Variants in ZDHHC18 observed in about 807,000 individuals in gnomAD.
ZDHHC18 encodes zDHHC palmitoyltransferase 18, also known as palmitoyltransferase ZDHHC18.
ZDHHC18 carries 23 observed loss-of-function variants against 37.5 expected under a neutral mutation model. The observed-to-expected ratio is 0.61, with a 90% CI of 0.44 to 0.87. The LOEUF (loss-of-function observed/expected upper bound fraction) is 0.87, where lower values mean the gene tolerates loss of function less well. Ranked by LOEUF, ZDHHC18 falls within the 40% of genes least tolerant of loss-of-function variation. The pLI is 0.00. For synonymous variants in ZDHHC18, 185 were observed against 218.7 expected, an observed-to-expected ratio of 0.85 and a Z score of 1.36; for missense variants, 406 against 525.6, an observed-to-expected ratio of 0.77 and a Z score of 2.22.
rs2124270567 is a variant in ZDHHC18 at position 26,853,939 on chromosome 1, A to G, written c.*96A>G. 1.8e-6 allele frequency: 2 copies of G among 1,088,964 alleles called. No individual in the cohort carries two copies. Among genetic ancestry groups the G allele is most frequent in the Non-Finnish European group, 2.7e-6 (2 of 728,566 alleles). The allele number at this position is 1,088,964 out of a possible 1,614,324, so 67.5% of individuals were successfully genotyped here. A position where few individuals can be genotyped will look rare whatever the true frequency, so the allele number is the denominator to read the frequency against. ...TCCATCCAAGGGAAGCAGAACTGCC[A>G]AAGACTCAAGTCTTTTCATATTTAT... On this transcript the variant is annotated 3_prime_UTR_variant, in exon 8 of 8. Transcript: ENST00000374142.
rs1475556075 is a variant in ZDHHC18, at chr1:26,855,472, A to T, written c.*1629A>T. 3 of 152,666 alleles carry T rather than the reference A, an allele frequency of 2.0e-5. No individual in the cohort carries two copies. Among genetic ancestry groups the T allele is most frequent in the African/African-American group, 7.2e-5 (3 of 41,442 alleles). 9.5% of individuals were successfully genotyped at this position (152,666 alleles called of 1,614,324 possible). A position where few individuals can be genotyped will look rare whatever the true frequency, so the allele number is the denominator to read the frequency against. On this transcript the variant is annotated 3_prime_UTR_variant, in exon 8 of 8. Coordinates refer to ENST00000374142, the MANE Select transcript of ZDHHC18 (RefSeq NM_032283.3). ...TGGGCTGAAGCCCTTGGAAAGTGAC[A>T]TAGGAAGTCCCCAGATCTTGCCCTT... is the stretch of plus-strand genomic sequence containing the variant.
At chr1:26,834,864 G>A (rs879697736) in intron 2 of ZDHHC18, among the ~76,000 whole-genome samples, 2 of 152,230 alleles carry the variant, frequency 1.3e-5, no homozygotes, top group Non-Finnish European at 2.9e-5. Flanking sequence ...AGTGAAGGCA[G>A]GTGGGGGCCA....
intron 6 of ZDHHC18, among the ~76,000 whole-genome samples, chr1:26,851,641 A>C (rs1463550756): frequency 6.6e-6 from 1 of 152,250 alleles, no homozygotes; most frequent in Non-Finnish European, 1.5e-5. Flanking sequence ...ACTGAGAGAC[A>C]TGTCCCATGT....
rs201982046 is a variant in ZDHHC18 at position 26,848,789 on chromosome 1, G to T, written c.646+32G>T. On this transcript the variant is annotated intron_variant, in intron 3 of 7. Transcript: ENST00000374142. ...AGGAGGCAGCAGGGAGGGATGCAGG[G>T]ATTCCTGAGAGAGACTGAGTCGTGG... 1,218 of 1,597,270 alleles carry T rather than the reference G, an allele frequency of 7.6e-4. 13 individuals carry two copies. In the South Asian group the frequency reaches 9.2e-3, roughly 12 times the overall value.
At position 26,826,735 on chromosome 1, in the gene ZDHHC18, C is replaced by G; in HGVS notation, c.-70C>G. The G allele has an allele frequency of 2.5e-6, 2 of 805,828 alleles. No individual in the cohort carries two copies. The highest frequency in any genetic ancestry group is 3.0e-6 in the Non-Finnish European group (2 of 668,284). The allele number at this position is 805,828 out of a possible 1,614,324, so 49.9% of individuals were successfully genotyped here. ...GCGCGCGCCGCCGCTGCCACCTCCGCTGCTCGGCCCGGTCCCGGAGTGGCC... is the reference window on the plus strand; with the variant it reads ...GCGCGCGCCGCCGCTGCCACCTCCGGTGCTCGGCCCGGTCCCGGAGTGGCC... On this transcript the variant is annotated 5_prime_UTR_variant, in exon 1 of 8. Coordinates refer to ENST00000374142, the MANE Select transcript of ZDHHC18 (RefSeq NM_032283.3). This position sits in a 1 kb window ranked among gnomAD's most constrained non-coding sequence, Gnocchi z 5.2.
In ZDHHC18 at chr1:26,852,795, G is replaced by A; in HGVS notation, c.979G>A (p.Val327Ile). ...CAGCAAGAGGGGCGGTGAGGCCTCT[G>A]TCAACCCCTACAGCCATAAAAGTAT... ...WSSKRGGEAS[V>I]NPYSHKSIIT... Residue 327 changes from valine to isoleucine, a missense_variant, in exon 7 of 8, where the codon GTC becomes ATC. Physicochemically the swap from Val to Ile is conservative, Grantham distance 29 (BLOSUM62 3). Coordinates refer to ENST00000374142, the MANE Select transcript of ZDHHC18 (RefSeq NM_032283.3). The A allele has an allele frequency of 6.2e-7, 1 of 1,614,090 alleles. No homozygotes were observed. The highest frequency in any genetic ancestry group is 2.2e-5 in the East Asian group (1 of 44,876).
chr1:26,832,449 G>A lies in ZDHHC18; in HGVS notation c.338G>A (p.Cys113Tyr). The change falls in exon 2 of 8, where the codon TGT becomes TAT. Residue 113 changes from cysteine to tyrosine, a missense_variant and splice_region_variant. Transcript: ENST00000374142. ...TTTGLFFVFD[C>Y]PYLARKLTLA... Reference sequence around the variant, plus strand: ...TCTCTCTCCATCTCTCGTTCTAGCTGTCCCTACCTGGCTCGCAAGCTGACC... The same window carrying A: ...TCTCTCTCCATCTCTCGTTCTAGCTATCCCTACCTGGCTCGCAAGCTGACC... 1 of 1,614,090 alleles carries A rather than the reference G, an allele frequency of 6.2e-7. No homozygotes were observed. Among genetic ancestry groups the A allele is most frequent in the Non-Finnish European group, 8.5e-7 (1 of 1,179,994 alleles).
intron 2 of ZDHHC18, among the ~76,000 whole-genome samples, chr1:26,847,565 C>G (rs554920872): frequency 2.6e-5 from 4 of 152,240 alleles, no homozygotes; most frequent in African/African-American, 9.6e-5. Context: ...CTCCAAATGT[C>G]TTTTGTTGCT....
Position 26,856,114 on chromosome 1 carries a change from C to A in ZDHHC18, c.*2271C>A. ...GAGCCGGAGCTTCCCTGGCTACCAC[C>A]TCCAACCTGGGCACCAGGGCCCAGC... On this transcript the variant is annotated 3_prime_UTR_variant, in exon 8 of 8. Transcript: ENST00000374142. The surrounding 1 kb of genome is among the most constrained non-coding windows in gnomAD (Gnocchi z 5.2). The A allele has an allele frequency of 2.4e-6, 1 of 423,546 alleles. No homozygotes were observed. Among genetic ancestry groups the A allele is most frequent in the Non-Finnish European group, 5.0e-6 (1 of 200,288 alleles). 26.2% of individuals were successfully genotyped at this position (423,546 alleles called of 1,614,324 possible). A position where few individuals can be genotyped will look rare whatever the true frequency, so the allele number is the denominator to read the frequency against.
chr1:26,832,772 A>G (rs1052849114), intron 2 of ZDHHC18, among the ~76,000 whole-genome samples, 165 bp downstream of exon 2: 1 of 152,242 alleles, frequency 6.6e-6, no homozygotes, highest in African/African-American at 2.4e-5. Flanking sequence ...CAGATGATCA[A>G]CAAGTGAGCA....
In ZDHHC18 at chr1:26,853,738, G is replaced by A. The variant is rs1195434062; in HGVS notation, c.1062G>A (p.Arg354=). 12 of 1,613,954 alleles carry A rather than the reference G, an allele frequency of 7.4e-6. No homozygotes were observed. The highest frequency in any genetic ancestry group is 9.3e-6 in the Non-Finnish European group (11 of 1,180,020). The change falls in exon 8 of 8, where the codon CGG becomes CGA. Residue 354 remains arginine, a synonymous_variant. Coordinates refer to ENST00000374142, the MANE Select transcript of ZDHHC18 (RefSeq NM_032283.3). ...CGPLPPSLID[R]RGFVQSDTVL... The stretch of plus-strand genomic sequence containing the variant: ...TGTGTTTTGGAAGCCTAATTGACCG[G>A]AGGGGATTTGTGCAGTCCGACACCG...
intron 2 of ZDHHC18, among the ~76,000 whole-genome samples, chr1:26,835,694 C>T (rs1019882041): frequency 2.0e-5 from 3 of 151,996 alleles, no homozygotes; most frequent in Non-Finnish European, 2.9e-5. Flanking sequence ...AGCAAGACTC[C>T]GTCTCAAAAA....
chr1:26,842,652 T>G (rs1028459396), intron 2 of ZDHHC18, among the ~76,000 whole-genome samples: 1 of 152,242 alleles, frequency 6.6e-6, no homozygotes, highest in African/African-American at 2.4e-5. Context: ...CCCTTCTTCA[T>G]GCTGCCCATT....
At chr1:26,843,331 G>T (rs920016819) in intron 2 of ZDHHC18, among the ~76,000 whole-genome samples, 30 of 150,642 alleles carry the variant, frequency 2.0e-4, no homozygotes, top group African/African-American at 7.3e-4. Context: ...TTAGTAGAGA[G>T]GGTTTCACCA....
intron 1 of ZDHHC18, among the ~76,000 whole-genome samples, chr1:26,827,946 C>T (rs1379587376): frequency 6.6e-6 from 1 of 152,140 alleles, no homozygotes; most frequent in African/African-American, 2.4e-5. Flanking sequence ...TCTGGAACGT[C>T]CCTCTGGCCT....
intron 2 of ZDHHC18, among the ~76,000 whole-genome samples, chr1:26,839,129 G>A (rs1219028422): frequency 6.6e-6 from 1 of 152,248 alleles, no homozygotes; most frequent in Non-Finnish European, 1.5e-5. Flanking sequence ...CTGTCTTAGG[G>A]TGGGGAAATT....
In ZDHHC18 at chr1:26,826,842, CCGCCCCGCTGCCCGCCTCCCCGGGGG is replaced by C; in HGVS notation, c.42_67del (p.Leu16SerfsTer88). 13 of 980,534 alleles carry C rather than the reference CCGCCCCGCTGCCCGCCTCCCCGGGGG, an allele frequency of 1.3e-5. No homozygotes were observed. Among genetic ancestry groups the C allele is most frequent in the Non-Finnish European group, 1.6e-5 (13 of 828,004 alleles). The allele number at this position is 980,534 out of a possible 1,614,324, so 60.7% of individuals were successfully genotyped here. A position where few individuals can be genotyped will look rare whatever the true frequency, so the allele number is the denominator to read the frequency against. On this transcript the variant is annotated frameshift_variant, in exon 1 of 8. Coordinates refer to ENST00000374142, the MANE Select transcript of ZDHHC18 (RefSeq NM_032283.3). LOFTEE classifies it high-confidence loss of function. This position sits in a 1 kb window ranked among gnomAD's most constrained non-coding sequence, Gnocchi z 5.2. ...GAGTACCAGCAGATCAGCCCCGGGG[CCGCCCCGCTGCCCGCCTCCCCGGGGG>C]CGCGCCGTCCCGGCCCCGCCGCGTC...
At chr1:26,837,194 A>G (rs920427996) in intron 2 of ZDHHC18, among the ~76,000 whole-genome samples, 2 of 147,882 alleles carry the variant, frequency 1.4e-5, no homozygotes, top group Non-Finnish European at 3.0e-5. Flanking sequence ...CGGAGCTTGC[A>G]GTGAGCCGAG....
At chr1:26,851,810 G>C (rs1275990023) in intron 6 of ZDHHC18, among the ~76,000 whole-genome samples, 2 of 152,304 alleles carry the variant, frequency 1.3e-5, no homozygotes, top group East Asian at 3.9e-4. Flanking sequence ...ATGCACGCCT[G>C]GGGGAGACAG....
Sources: gnomAD v4.1 joint callset for allele counts (sites outside exome capture counted in the v4.1 genomes callset) on GRCh38, gnomAD v4.1.1 for gene constraint, Gnocchi (gnomAD v3.1) non-coding constraint, MANE v1.5 for transcripts, NCBI Gene and HGNC (gene_info 2026-07-23, HGNC 2026-07-21) for gene names.